UGGT1: variants seen among roughly 807,000 people sequenced by gnomAD.
The protein encoded by UGGT1 is UDP-glucose glycoprotein glucosyltransferase 1, also known as UDP-glucose:glycoprotein glucosyltransferase 1.
In UGGT1, 107 loss-of-function variants were observed where a neutral mutation model predicts 203.9. The ratio of observed to expected loss-of-function variants is 0.52; its 90% CI spans 0.45 to 0.62. The LOEUF (loss-of-function observed/expected upper bound fraction) is 0.62, where lower values mean the gene tolerates loss of function less well. Among genes scored for constraint, UGGT1 ranks in the 20% least tolerant of loss-of-function variants. The probability of loss-of-function intolerance (pLI) is 0.00; values close to 1 mark genes in which losing one functional copy is unlikely to be tolerated. For missense variants in UGGT1, 1,673 were observed against 1,867.2 expected (o/e 0.90, Z 1.92); for synonymous variants, 628 against 653.5 (o/e 0.96, Z 0.59).
rs1692247984 is a variant in UGGT1, at chr2:128,191,171, G to T, written c.*1429G>T. The T allele has an allele frequency of 6.6e-6, 1 of 152,244 alleles. No homozygotes were observed. Among genetic ancestry groups the T allele is most frequent in the Admixed American group, 6.5e-5 (1 of 15,280 alleles). The allele number at this position is 152,244 out of a possible 1,614,324, so 9.4% of individuals were successfully genotyped here. ...TATTTTGCCTGTTTTTAAAAAATAC[G>T]AGGAGAGGGTGCAGATGGATACTGT... On this transcript the variant is annotated 3_prime_UTR_variant, in exon 41 of 41. Transcript: ENST00000259253.
intron 8 of UGGT1, among the ~76,000 whole-genome samples, chr2:128,117,323 C>T (rs1472591814): frequency 6.6e-6 from 1 of 152,220 alleles, no homozygotes; most frequent in Admixed American, 6.5e-5. Context: ...CTCCTGGCCT[C>T]AAGTGGTCTG....
At chr2:128,125,334 TG>T (rs965852448) in intron 11 of UGGT1, among the ~76,000 whole-genome samples, 72 of 152,158 alleles carry the variant, frequency 4.7e-4, no homozygotes, top group African/African-American at 1.6e-3. Context: ...GTTGGGGGGC[TG>T]GGGGGTTTTG....
chr2:128,099,417 T>TA (rs1279929839), intron 2 of UGGT1, among the ~76,000 whole-genome samples: 1 of 152,208 alleles, frequency 6.6e-6, no homozygotes, highest in African/African-American at 2.4e-5. Context: ...GTGGTGGAAT[T>TA]ACAGGTGTGA....
chr2:128,118,092 G>C lies in UGGT1; in HGVS notation c.872+1749G>C, dbSNP rs940028099. Among the ~76,000 whole-genome samples the C allele has an allele frequency of 6.6e-5, 10 of 151,964 alleles. No homozygotes were observed. In the South Asian group the frequency reaches 1.9e-3, roughly 28 times the overall value. ...TTTATATACTTCAGCTTTGAGATTT[G>C]GCCAAGTGAAATAACCAGATTAACA... On this transcript the variant is annotated intron_variant, in intron 8 of 40. Transcript: ENST00000259253.
At chr2:128,130,413 A>C (rs2105418834) in intron 13 of UGGT1, among the ~76,000 whole-genome samples, 1 of 152,332 alleles carries the variant, frequency 6.6e-6, no homozygotes, top group African/African-American at 2.4e-5. Context: ...AATAATGTAG[A>C]ATGTAGATAA....
intron 38 of UGGT1, 104 bp from the exon 39 acceptor site, chr2:128,186,579 C>G: frequency 1.1e-6 from 1 of 897,910 alleles, no homozygotes; most frequent in Non-Finnish European, 1.6e-6. Flanking sequence ...TGCACTCCAA[C>G]CTGGGTGACA....
intron 2 of UGGT1, among the ~76,000 whole-genome samples, chr2:128,103,581 AATC>A (rs1401136981): frequency 3.3e-5 from 5 of 152,150 alleles, no homozygotes; most frequent in Non-Finnish European, 1.5e-5. Flanking sequence ...CTAGTACTAG[AATC>A]ATCAGTTCCT....
In UGGT1 at chr2:128,145,822, A is replaced by C. The variant is rs755878470; in HGVS notation, c.1871A>C (p.Glu624Ala). 29 of 1,603,658 alleles carry C rather than the reference A, an allele frequency of 1.8e-5. No homozygotes were observed. Among genetic ancestry groups the C allele is most frequent in the Non-Finnish European group, 2.4e-5 (28 of 1,173,652 alleles). ...RNRKEARGYYEQTGVGPLPVV... is the reference protein window; with the variant it reads ...RNRKEARGYYAQTGVGPLPVV... The stretch of plus-strand genomic sequence containing the variant: ...TTTCAGGAAGCAAGAGGCTACTATG[A>C]GCAGACTGGAGTTGGACCTCTGCCC... The change falls in exon 18 of 41, where the codon GAG becomes GCG. Residue 624 changes from glutamate (E) to alanine (A), a missense_variant. Coordinates refer to ENST00000259253, the MANE Select transcript of UGGT1 (RefSeq NM_020120.4).
At chr2:128,187,910 C>G (rs1692066489) in intron 40 of UGGT1, among the ~76,000 whole-genome samples, 1 of 150,138 alleles carries the variant, frequency 6.7e-6, no homozygotes, top group Admixed American at 6.7e-5. Context: ...ATACATAAAC[C>G]AAACCTTTTG....
chr2:128,123,320 C>A, intron 11 of UGGT1, 74 bp downstream of exon 11: 1 of 1,208,044 alleles, frequency 8.3e-7, no homozygotes, highest in Non-Finnish European at 1.2e-6. Context: ...GTTTAATCAG[C>A]AGCATTTAAC....
In UGGT1 at chr2:128,160,495, G is replaced by A; in HGVS notation, c.2598G>A (p.Glu866=). The A allele has an allele frequency of 6.2e-7, 1 of 1,611,862 alleles. No homozygotes were observed. The highest frequency in any genetic ancestry group is 8.5e-7 in the Non-Finnish European group (1 of 1,179,448). Residue 866 remains glutamate, a synonymous_variant, in exon 24 of 41, where the codon GAG becomes GAA. Transcript: ENST00000259253. ...MDFSLFKEVF[E]SSKMDFILSH... ...TCAGTCTTTTTAAAGAGGTCTTTGA[G>A]TCTTCCAAAATGGATTTCATTTTGT...
At chr2:128,141,213 C>T (rs1209277046) in intron 16 of UGGT1, among the ~76,000 whole-genome samples, 3 of 151,886 alleles carry the variant, frequency 2.0e-5, no homozygotes, top group African/African-American at 7.3e-5. Flanking sequence ...AATTCCAGCA[C>T]TTTGGGTGGC....
intron 15 of UGGT1, among the ~76,000 whole-genome samples, 196 bp downstream of exon 15, chr2:128,135,157 C>G (rs1689075037): frequency 1.3e-5 from 2 of 152,232 alleles, no homozygotes; most frequent in South Asian, 4.1e-4. Flanking sequence ...TAGAAGCTTA[C>G]CACCAATGAA....
At chr2:128,107,459 T>C (rs1003597921) in intron 3 of UGGT1, among the ~76,000 whole-genome samples, 1 of 152,238 alleles carries the variant, frequency 6.6e-6, no homozygotes, top group African/African-American at 2.4e-5. Flanking sequence ...TAAGGATAAA[T>C]AGGTCATAGC....
chr2:128,167,575 G>C (rs1419312482), intron 26 of UGGT1, among the ~76,000 whole-genome samples: 1 of 152,136 alleles, frequency 6.6e-6, no homozygotes, highest in Non-Finnish European at 1.5e-5. Context: ...GTTGCTCCTG[G>C]GGGATTCCCG....
chr2:128,152,704 A>AATT, intron 18 of UGGT1, 80 bp from the exon 19 acceptor site: 1 of 1,530,864 alleles, frequency 6.5e-7, no homozygotes, highest in Non-Finnish European at 8.7e-7. Flanking sequence ...TAAAGTTAAT[A>AATT]ATTTTTTGGT....
intron 38 of UGGT1, among the ~76,000 whole-genome samples, chr2:128,185,000 G>T (rs1691900319): frequency 6.6e-6 from 1 of 151,668 alleles, no homozygotes; most frequent in South Asian, 2.1e-4. Flanking sequence ...TTTAAAATTT[G>T]TGTGATACCT....
chr2:128,119,891 T>G (rs1237611887), intron 8 of UGGT1, among the ~76,000 whole-genome samples: 1 of 151,934 alleles, frequency 6.6e-6, no homozygotes, highest in Non-Finnish European at 1.5e-5. Flanking sequence ...AACAGGTCAG[T>G]AAACACTGCA....
intron 2 of UGGT1, among the ~76,000 whole-genome samples, chr2:128,098,992 C>A (rs1687243839): frequency 6.6e-6 from 1 of 152,112 alleles, no homozygotes; most frequent in Admixed American, 6.5e-5. Flanking sequence ...AGAGGTGGAA[C>A]TAGCAGAGAC....
Sources: gnomAD v4.1 joint callset for allele counts (sites outside exome capture counted in the v4.1 genomes callset) on GRCh38, gnomAD v4.1.1 for gene constraint, MANE v1.5 for transcripts, NCBI Gene and HGNC (gene_info 2026-07-23, HGNC 2026-07-21) for gene names.